The following TMPRSS15 variants were observed in gnomAD, a reference collection of about 807,000 sequenced individuals.
TMPRSS15 encodes the protein transmembrane serine protease 15, also known as enteropeptidase.
In TMPRSS15, 128 loss-of-function variants were observed where a neutral mutation model predicts 125.3. That is an observed-to-expected ratio of 1.02 (90% CI 0.89 to 1.18). The LOEUF (loss-of-function observed/expected upper bound fraction) is 1.18, where lower values mean the gene tolerates loss of function less well. TMPRSS15 is among the 50% of genes most tolerant of loss of function. The pLI is 0.00. For synonymous variants in TMPRSS15, 446 were observed against 423.2 expected, an observed-to-expected ratio of 1.05 and a Z score of -0.66; for missense variants, 1,283 against 1,212.7, an observed-to-expected ratio of 1.06 and a Z score of -0.86.
chr21:18,350,229 A>G (rs13052606), intron 10 of TMPRSS15, among the ~76,000 whole-genome samples: 1 of 152,092 alleles, frequency 6.6e-6, no homozygotes, highest in Non-Finnish European at 1.5e-5. Flanking sequence ...ACTGGGAAAT[A>G]ACTTATTCAA....
At chr21:18,285,472 C>T (rs1398701625) in intron 21 of TMPRSS15, among the ~76,000 whole-genome samples, 2 of 152,170 alleles carry the variant, frequency 1.3e-5, no homozygotes, top group African/African-American at 4.8e-5. Flanking sequence ...CAACAGCAAC[C>T]TCAACAACTT....
At chr21:18,477,802 C>T (rs955357484) in intron 1 of TMPRSS15, 5 of 152,062 alleles carry the variant, frequency 3.3e-5, no homozygotes, top group African/African-American at 1.2e-4. Flanking sequence ...CCTGAATAAT[C>T]ACCCTTACTG....
intron 1 of TMPRSS15, among the ~76,000 whole-genome samples, chr21:18,425,618 C>G (rs939127909): frequency 1.3e-5 from 2 of 152,054 alleles, no homozygotes; most frequent in African/African-American, 4.8e-5. Flanking sequence ...TCCTCAAACT[C>G]TTAACAAGTA....
chr21:18,391,696 T>C lies in TMPRSS15; in HGVS notation c.344+6183A>G, dbSNP rs534615299. Among the ~76,000 whole-genome samples, 10 of 152,292 alleles carry C rather than the reference T, an allele frequency of 6.6e-5. No homozygotes were observed. The East Asian group carries it at 1.7e-3, about 26-fold the overall frequency. On this transcript the variant is annotated intron_variant, in intron 3 of 24. Coordinates refer to ENST00000284885, the MANE Select transcript of TMPRSS15 (RefSeq NM_002772.3). The stretch of plus-strand genomic sequence containing the variant: ...TCTGTGGTCTGGAGGACGGTGGCTG[T>C]CTTCTCCAGAGTCAGCCCAGGGGGG...
At chr21:18,314,688 T>C (rs1418872505) in intron 17 of TMPRSS15, among the ~76,000 whole-genome samples, 1 of 151,738 alleles carries the variant, frequency 6.6e-6, no homozygotes, top group African/African-American at 2.4e-5. Flanking sequence ...ATAATAAAAG[T>C]ATCCATTACT....
At chr21:18,319,635 G>C (rs979673057) in intron 16 of TMPRSS15, among the ~76,000 whole-genome samples, 7 of 151,976 alleles carry the variant, frequency 4.6e-5, no homozygotes, top group African/African-American at 1.7e-4. Flanking sequence ...CTCAATGTTG[G>C]TCAGGCTGGT....
At chr21:18,329,548 A>G (rs1393084014) in intron 14 of TMPRSS15, among the ~76,000 whole-genome samples, 3 of 151,484 alleles carry the variant, frequency 2.0e-5, no homozygotes, top group Non-Finnish European at 4.4e-5. Flanking sequence ...TATTTTTATG[A>G]AATGGAATAC....
intron 1 of TMPRSS15, among the ~76,000 whole-genome samples, chr21:18,398,755 T>G (rs1387045767): frequency 6.6e-6 from 1 of 152,142 alleles, no homozygotes; most frequent in South Asian, 2.1e-4. Flanking sequence ...ACACCTAGCA[T>G]CCAGGGACAC....
intron 21 of TMPRSS15, among the ~76,000 whole-genome samples, chr21:18,290,517 T>A (rs2146890720): frequency 6.6e-6 from 1 of 150,978 alleles, no homozygotes; most frequent in Non-Finnish European, 1.5e-5. Flanking sequence ...TTTTTTCAAA[T>A]AGAAGAATTT....
At position 18,458,987 on chromosome 21, in the gene TMPRSS15, C is replaced by T. The variant is rs574135065; in HGVS notation, c.10+26812G>A. Among the ~76,000 whole-genome samples, 46 of 152,210 alleles carry T rather than the reference C, an allele frequency of 3.0e-4. No homozygotes were observed. The South Asian group carries it at 8.5e-3, about 28-fold the overall frequency. ...GTTTCTTTGATAGTAAAGATACTCT[C>T]GTTAGCTTTCTTCTAGGACCTTCAT... On this transcript the variant is annotated intron_variant, in intron 1 of 7. Coordinates refer to the TMPRSS15 transcript ENST00000422787.
At chr21:18,304,875 T>C (rs535296716) in intron 18 of TMPRSS15, among the ~76,000 whole-genome samples, 463 of 152,322 alleles carry the variant, frequency 3.0e-3, no homozygotes, top group Non-Finnish European at 4.3e-3. Flanking sequence ...TTTTTGTGTG[T>C]AATTATATTC....
chr21:18,288,782 C>T (rs957889414), intron 21 of TMPRSS15, among the ~76,000 whole-genome samples: 4 of 151,434 alleles, frequency 2.6e-5, no homozygotes, highest in South Asian at 2.1e-4. Context: ...AGCTCAGGCC[C>T]GCCTCGGCCT....
chr21:18,296,297 A>T (rs1341102342), intron 19 of TMPRSS15, among the ~76,000 whole-genome samples: 1 of 152,214 alleles, frequency 6.6e-6, no homozygotes. Flanking sequence ...ACCAGTTTTC[A>T]TAGGGATACA....
At chr21:18,480,244 A>G (rs377040660) in intron 1 of TMPRSS15, among the ~76,000 whole-genome samples, 1 of 151,938 alleles carries the variant, frequency 6.6e-6, no homozygotes, top group East Asian at 1.9e-4. Flanking sequence ...TTTGCACAGT[A>G]TTATGCTGGT....
intron 24 of TMPRSS15, among the ~76,000 whole-genome samples, chr21:18,271,624 A>G (rs116707602): frequency 0.018 from 2,808 of 151,910 alleles, 95 homozygotes; most frequent in African/African-American, 0.064. Flanking sequence ...TTTTACTTTA[A>G]GGTCTGGGAT....
At chr21:18,283,439 G>C (rs13052044) in intron 21 of TMPRSS15, among the ~76,000 whole-genome samples, 1 of 151,516 alleles carries the variant, frequency 6.6e-6, no homozygotes, top group East Asian at 1.9e-4. Flanking sequence ...TTACTATACC[G>C]TATGTTTTGT....
At chr21:18,329,962 G>A (rs1272341876) in intron 14 of TMPRSS15, among the ~76,000 whole-genome samples, 1 of 151,896 alleles carries the variant, frequency 6.6e-6, no homozygotes, top group Non-Finnish European at 1.5e-5. Context: ...TTTCTCAGAT[G>A]CAGGCAAATT....
intron 1 of TMPRSS15, among the ~76,000 whole-genome samples, chr21:18,464,231 G>A (rs1978611106): frequency 6.9e-6 from 1 of 145,610 alleles, no homozygotes; most frequent in Non-Finnish European, 1.5e-5. Flanking sequence ...AAGACACAAT[G>A]TACCAGAATC....
chr21:18,399,141 A>G (rs920219272), intron 1 of TMPRSS15, among the ~76,000 whole-genome samples: 2 of 152,140 alleles, frequency 1.3e-5, no homozygotes, highest in Non-Finnish European at 1.5e-5. Context: ...TAATAATGAC[A>G]TATAATTCTC....
Sources: gnomAD v4.1 joint callset for allele counts (sites outside exome capture counted in the v4.1 genomes callset) on GRCh38, gnomAD v4.1.1 for gene constraint, MANE v1.5 for transcripts, NCBI Gene and HGNC (gene_info 2026-07-23, HGNC 2026-07-21) for gene names.